Variants in RIC1 observed in about 807,000 individuals in gnomAD.
The protein encoded by RIC1 is RIC1 partner of RAB6A GEF complex, also known as guanine nucleotide exchange factor subunit RIC1.
A neutral mutation model predicts 169.0 loss-of-function variants in RIC1; 88 were observed. That is an observed-to-expected ratio of 0.52 (90% CI 0.44 to 0.62). The LOEUF is 0.62. Ranked by LOEUF, RIC1 falls within the 20% of genes least tolerant of loss-of-function variation. The probability of loss-of-function intolerance (pLI) is 0.00; values close to 1 mark genes in which losing one functional copy is unlikely to be tolerated. For missense variants in RIC1, 1,877 were observed against 1,725.5 expected, an observed-to-expected ratio of 1.09 and a Z score of -1.56; for synonymous variants, 790 against 601.5, an observed-to-expected ratio of 1.31 and a Z score of -4.59.
At chr9:5,671,396 C>G (rs1475092094) in intron 2 of RIC1, among the ~76,000 whole-genome samples, 1 of 151,992 alleles carries the variant, frequency 6.6e-6, no homozygotes, top group Non-Finnish European at 1.5e-5. Flanking sequence ...CTGCCTTACC[C>G]TCCCAAGTAG....
chr9:5,638,808 A>G (rs560244762), intron 1 of RIC1, among the ~76,000 whole-genome samples: 3 of 152,050 alleles, frequency 2.0e-5, no homozygotes, highest in Non-Finnish European at 4.4e-5. Flanking sequence ...CTTCATTTCA[A>G]GTTAATTTAT....
chr9:5,768,833 T>A, intron 21 of RIC1, 137 bp from the exon 22 acceptor site: 1 of 950,624 alleles, frequency 1.1e-6, no homozygotes, highest in Non-Finnish European at 1.5e-6. Context: ...GCGTTGATAC[T>A]TTATCTTCAT....
intron 1 of RIC1, among the ~76,000 whole-genome samples, chr9:5,637,584 G>A (rs368322287): frequency 3.3e-4 from 50 of 152,082 alleles, no homozygotes; most frequent in African/African-American, 1.1e-3. Flanking sequence ...CCCATTAGCC[G>A]TTCCCACCTC....
intron 1 of RIC1, among the ~76,000 whole-genome samples, chr9:5,639,662 G>T (rs1586862307): frequency 1.3e-5 from 2 of 152,140 alleles, no homozygotes; most frequent in Admixed American, 1.3e-4. Flanking sequence ...CTGGGAGTTG[G>T]GTTCAGTGCT....
intron 3 of RIC1, among the ~76,000 whole-genome samples, chr9:5,704,412 A>G (rs1171369689): frequency 6.6e-6 from 1 of 151,908 alleles, no homozygotes; most frequent in Non-Finnish European, 1.5e-5. Flanking sequence ...GGATCTCACT[A>G]CATTGTTCAA....
chr9:5,725,498 CA>C (rs1213490107), intron 6 of RIC1, among the ~76,000 whole-genome samples: 1 of 152,006 alleles, frequency 6.6e-6, no homozygotes, highest in Non-Finnish European at 1.5e-5. Flanking sequence ...TCAGTCTTTT[CA>C]AAAAACCAGC....
chr9:5,678,166 A>G (rs1820574994), intron 2 of RIC1, among the ~76,000 whole-genome samples: 1 of 152,178 alleles, frequency 6.6e-6, no homozygotes, highest in African/African-American at 2.4e-5. Flanking sequence ...GTCCCTACAA[A>G]GGACATGAAC....
At chr9:5,754,026 G>A (rs1377860260) in intron 14 of RIC1, among the ~76,000 whole-genome samples, 3 of 149,292 alleles carry the variant, frequency 2.0e-5, no homozygotes, top group African/African-American at 7.6e-5. Context: ...GAGTGTGCGT[G>A]TGTGTATGTG....
At chr9:5,709,187 C>T (rs1822781191) in intron 3 of RIC1, among the ~76,000 whole-genome samples, 1 of 152,176 alleles carries the variant, frequency 6.6e-6, no homozygotes, top group Admixed American at 6.5e-5. Context: ...CAAAGTAAAT[C>T]ATGTGGCCAC....
At chr9:5,759,352 G>A (rs938662131) in intron 17 of RIC1, among the ~76,000 whole-genome samples, 3 of 152,120 alleles carry the variant, frequency 2.0e-5, no homozygotes, top group African/African-American at 7.2e-5. Flanking sequence ...CAAGTATAGA[G>A]AGTCATCTTC....
chr9:5,764,814 G>T (rs1024471756), intron 19 of RIC1, among the ~76,000 whole-genome samples: 1 of 152,120 alleles, frequency 6.6e-6, no homozygotes, highest in East Asian at 1.9e-4. Flanking sequence ...ATTTTTTTCT[G>T]CAACAGAATT....
At chr9:5,691,442 G>T (rs902851733) in intron 3 of RIC1, among the ~76,000 whole-genome samples, 8 of 151,760 alleles carry the variant, frequency 5.3e-5, no homozygotes, top group Non-Finnish European at 7.4e-5. Context: ...TGAGGTATTC[G>T]GTTTTGGAAA....
chr9:5,758,026 C>T (rs988847392), intron 17 of RIC1, among the ~76,000 whole-genome samples: 2 of 152,050 alleles, frequency 1.3e-5, no homozygotes, highest in Non-Finnish European at 2.9e-5. Flanking sequence ...GGAAAATGAA[C>T]TGAAGTAAGA....
intron 4 of RIC1, among the ~76,000 whole-genome samples, chr9:5,717,661 A>G (rs556987126): frequency 2.6e-5 from 4 of 152,198 alleles, no homozygotes; most frequent in South Asian, 2.1e-4. Flanking sequence ...CCTGGCCAAC[A>G]TGGTGAAACC....
chr9:5,656,441 G>C (rs938930878), intron 1 of RIC1, 142 bp from the exon 2 acceptor site: 1 of 481,968 alleles, frequency 2.1e-6, no homozygotes, highest in Non-Finnish European at 3.7e-6. Flanking sequence ...TTGCAATGTT[G>C]AAAGCCGATA....
intron 2 of RIC1, among the ~76,000 whole-genome samples, chr9:5,684,332 G>C (rs561017384): frequency 8.0e-6 from 1 of 124,970 alleles, no homozygotes; most frequent in East Asian, 2.4e-4. Flanking sequence ...AGAAATGTCT[G>C]CTGGGAGTTT....
At chr9:5,698,511 A>T (rs1416684143) in intron 3 of RIC1, among the ~76,000 whole-genome samples, 1 of 152,212 alleles carries the variant, frequency 6.6e-6, no homozygotes, top group Admixed American at 6.5e-5. Flanking sequence ...AAGTTAATGT[A>T]TGGAAAATAC....
intron 1 of RIC1, among the ~76,000 whole-genome samples, chr9:5,631,916 T>C (rs956447643): frequency 2.6e-5 from 4 of 152,192 alleles, no homozygotes; most frequent in Non-Finnish European, 5.9e-5. Context: ...AAAGTGAAAA[T>C]GCCTTTAGGT....
chr9:5,688,957 A>G (rs1821424040), intron 2 of RIC1, among the ~76,000 whole-genome samples: 1 of 151,794 alleles, frequency 6.6e-6, no homozygotes, highest in South Asian at 2.1e-4. Flanking sequence ...GAAATGTAAA[A>G]TGGTTGTTTG....
Sources: allele counts gnomAD v4.1 joint callset (sites outside exome capture counted in the v4.1 genomes callset), GRCh38; gene constraint gnomAD v4.1.1; transcripts MANE v1.5; gene names NCBI Gene and HGNC (gene_info 2026-07-23, HGNC 2026-07-21).